The following PGCKA1 variants were observed in gnomAD, a reference collection of about 807,000 sequenced individuals.
The protein encoded by PGCKA1 is PDCD10 and GCKIII kinases associated 1, also known as PDCD10 and GCKIII kinases-associated protein 1.
the PGCKA1 span, among the ~76,000 whole-genome samples, chr4:37,565,587 T>C: frequency 6.6e-6 from 1 of 152,212 alleles, no homozygotes; most frequent in Admixed American, 6.5e-5. Context: ...AGTTCTGATG[T>C]GCAGTGATTG....
chr4:37,542,787 C>T, the PGCKA1 span, among the ~76,000 whole-genome samples: 1 of 152,204 alleles, frequency 6.6e-6, no homozygotes. Context: ...ACCACCCCAA[C>T]TCCATTTTCA....
chr4:37,570,294 G>T, the PGCKA1 span, among the ~76,000 whole-genome samples: 1 of 151,418 alleles, frequency 6.6e-6, no homozygotes, highest in African/African-American at 2.4e-5. Context: ...CACCGCGCCC[G>T]GCTGTCTGCA....
chr4:37,472,505 A>G, the PGCKA1 span, among the ~76,000 whole-genome samples: 1 of 152,206 alleles, frequency 6.6e-6, no homozygotes, highest in African/African-American at 2.4e-5. Context: ...AAATAAAATA[A>G]TATAAAATAA....
the PGCKA1 span, among the ~76,000 whole-genome samples, chr4:37,504,293 T>G: frequency 6.6e-6 from 1 of 152,198 alleles, no homozygotes; most frequent in Non-Finnish European, 1.5e-5. Flanking sequence ...TCTATGTGTC[T>G]CATTTTATGC....
chr4:37,541,815 C>T, the PGCKA1 span, among the ~76,000 whole-genome samples: 1 of 152,080 alleles, frequency 6.6e-6, no homozygotes, highest in African/African-American at 2.4e-5. Context: ...GCACCAAGTT[C>T]AAGAGGCCGA....
At chr4:37,454,011 G>A in the PGCKA1 span, 1 of 160,334 alleles carries the variant, frequency 6.2e-6, no homozygotes, top group South Asian at 1.7e-4. Context: ...GGACCCCGCC[G>A]CCGCCGCCGC....
the PGCKA1 span, among the ~76,000 whole-genome samples, chr4:37,562,849 T>C: frequency 1.3e-5 from 2 of 152,182 alleles, no homozygotes; most frequent in African/African-American, 2.4e-5. Flanking sequence ...TCAGGAAATA[T>C]CTGTTGCCTG....
the PGCKA1 span, among the ~76,000 whole-genome samples, chr4:37,482,396 G>C: frequency 3.9e-5 from 6 of 152,162 alleles, no homozygotes; most frequent in African/African-American, 1.2e-4. Flanking sequence ...TGGAGTAAAG[G>C]TCACTCTTGC....
the PGCKA1 span, among the ~76,000 whole-genome samples, chr4:37,537,533 T>C: frequency 7.2e-5 from 11 of 152,176 alleles, no homozygotes; most frequent in Non-Finnish European, 1.3e-4. Flanking sequence ...TGATTTGTTA[T>C]AGAAAAAAAA....
At chr4:37,455,941 A>T in the PGCKA1 span, among the ~76,000 whole-genome samples, 1 of 152,256 alleles carries the variant, frequency 6.6e-6, no homozygotes, top group African/African-American at 2.4e-5. Context: ...CTCTCCCTAG[A>T]CTGTGTTTCA....
the PGCKA1 span, among the ~76,000 whole-genome samples, chr4:37,521,099 A>C: frequency 6.6e-6 from 1 of 151,744 alleles, no homozygotes; most frequent in African/African-American, 2.4e-5. Context: ...TTCTTCTACT[A>C]ATTTTGGATT....
the PGCKA1 span, among the ~76,000 whole-genome samples, chr4:37,545,719 A>G: frequency 6.6e-6 from 1 of 152,092 alleles, no homozygotes; most frequent in Non-Finnish European, 1.5e-5. Context: ...CCCCCCATTC[A>G]TTGTTTCAGC....
At chr4:37,582,799 A>G in the PGCKA1 span, among the ~76,000 whole-genome samples, 78 of 152,202 alleles carry the variant, frequency 5.1e-4, no homozygotes, top group Non-Finnish European at 9.3e-4. Context: ...CGTAAGGATA[A>G]TATTTTGTCC....
At chr4:37,496,483 C>T in the PGCKA1 span, among the ~76,000 whole-genome samples, 1 of 152,192 alleles carries the variant, frequency 6.6e-6, no homozygotes, top group Non-Finnish European at 1.5e-5. Context: ...TGTACCAGTA[C>T]CATGCTGTTT....
the PGCKA1 span, among the ~76,000 whole-genome samples, chr4:37,467,442 C>T: frequency 2.0e-5 from 3 of 152,202 alleles, no homozygotes; most frequent in African/African-American, 7.2e-5. Flanking sequence ...AACTGCCCTT[C>T]TTCTATCATA....
At chr4:37,454,073 G>A in the PGCKA1 span, 1 of 153,352 alleles carries the variant, frequency 6.5e-6, no homozygotes, top group African/African-American at 2.4e-5. Context: ...CGCGCGCAAA[G>A]AGGGCTTTAG....
the PGCKA1 span, among the ~76,000 whole-genome samples, chr4:37,578,063 G>A: frequency 5.3e-4 from 81 of 152,280 alleles, no homozygotes; most frequent in African/African-American, 1.6e-3. Context: ...TATTAGGTCC[G>A]TTTGATCTAC....
At chr4:37,482,377 G>A in the PGCKA1 span, among the ~76,000 whole-genome samples, 1 of 152,310 alleles carries the variant, frequency 6.6e-6, no homozygotes, top group East Asian at 1.9e-4. Context: ...TGAAGAACTT[G>A]TTGGGAACTG....
chr4:37,589,260 C>A, the PGCKA1 span, among the ~76,000 whole-genome samples: 2 of 152,150 alleles, frequency 1.3e-5, no homozygotes, highest in South Asian at 4.1e-4. Flanking sequence ...GTAACGTGAA[C>A]ATAAACTTCT....
Sources: gnomAD v4.1 joint callset for allele counts (sites outside exome capture counted in the v4.1 genomes callset) on GRCh38, gnomAD v4.1.1 for gene constraint, MANE v1.5 for transcripts, NCBI Gene and HGNC (gene_info 2026-07-23, HGNC 2026-07-21) for gene names.